FNDC1: variants seen among roughly 807,000 people sequenced by gnomAD.
The protein encoded by FNDC1 is fibronectin type III domain-containing protein 1.
A neutral mutation model predicts 168.0 loss-of-function variants in FNDC1; 96 were observed. The ratio of observed to expected loss-of-function variants is 0.57; its 90% confidence interval spans 0.48 to 0.68. The LOEUF is 0.68. Ranked by LOEUF, FNDC1 falls within the 30% of genes least tolerant of loss-of-function variation. The pLI, the probability that FNDC1 is intolerant of heterozygous loss-of-function variation, is 0.00. For synonymous variants in FNDC1, 1,099 were observed against 1,025.9 expected (o/e 1.07, Z -1.36); for missense variants, 2,587 against 2,482.1 (o/e 1.04, Z -0.90).
intron 1 of FNDC1, among the ~76,000 whole-genome samples, chr6:159,191,777 A>G (rs1238975406): frequency 6.6e-6 from 1 of 152,222 alleles, no homozygotes. Flanking sequence ...TTTGGCTAAA[A>G]TCAGTGCATT....
At chr6:159,240,958 C>T (rs1783406218) in intron 14 of FNDC1, 1 of 152,220 alleles carries the variant, frequency 6.6e-6, no homozygotes, top group South Asian at 2.1e-4. Flanking sequence ...ACGTTATTGA[C>T]TATGATAAGC....
At chr6:159,182,396 A>C (rs1244519688) in intron 1 of FNDC1, among the ~76,000 whole-genome samples, 2 of 152,180 alleles carry the variant, frequency 1.3e-5, no homozygotes, top group Admixed American at 6.5e-5. Context: ...GTCCTCTTGG[A>C]ATTCAAGCCC....
rs77543650 is a variant in FNDC1, at chr6:159,248,216, T to C, written c.4691-823T>C. Among the ~76,000 whole-genome samples, 249 of 152,322 alleles carry C rather than the reference T, an allele frequency of 1.6e-3. 3 individuals are homozygous for C. In the East Asian group the frequency reaches 0.037, roughly 22 times the overall value. On this transcript the variant is annotated intron_variant, in intron 15 of 22. Transcript: ENST00000297267. ...GAACAGTTTGAAAAAGGGGCAGTTT[T>C]ATTTTCTTTTTCAAATGTTAAAGGA...
At chr6:159,188,673 C>T (rs952406555) in intron 1 of FNDC1, among the ~76,000 whole-genome samples, 5 of 151,822 alleles carry the variant, frequency 3.3e-5, no homozygotes, top group Non-Finnish European at 4.4e-5. Flanking sequence ...CCACTGCGCC[C>T]GGCCGCCTCA....
rs1781609451 is a variant in FNDC1, at chr6:159,169,726, C to T, written c.109+21C>T. 6.8e-6 allele frequency: 7 copies of T among 1,025,322 alleles called. No individual in the cohort carries two copies. The South Asian group carries it at 1.9e-4, about 28-fold the overall frequency. The allele number at this position is 1,025,322 out of a possible 1,614,324, so 63.5% of individuals were successfully genotyped here. A position where few individuals can be genotyped will look rare whatever the true frequency, so the allele number is the denominator to read the frequency against. On this transcript the variant is annotated intron_variant, in intron 1 of 22. Transcript: ENST00000297267. This position sits in a 1 kb window ranked among gnomAD's most constrained non-coding sequence, Gnocchi z 6.8. ...CTCAGGTACGCGCCGCGCCCGGGCCCCCGGCGCTCCTCAGCTCCCCGCGCA... is the reference window on the plus strand; with the variant it reads ...CTCAGGTACGCGCCGCGCCCGGGCCTCCGGCGCTCCTCAGCTCCCCGCGCA...
chr6:159,200,153 T>G (rs1224428439), intron 3 of FNDC1, 71 bp downstream of exon 3: 1 of 1,104,802 alleles, frequency 9.1e-7, no homozygotes. Flanking sequence ...TCCTTGCTTC[T>G]TCCAGTAAAT....
In FNDC1 at chr6:159,234,001, C is replaced by G. The variant is rs1375473399; in HGVS notation, c.3489C>G (p.Ser1163=). 6.2e-7 allele frequency: 1 copy of G among 1,606,082 alleles called. No individual in the cohort carries two copies. Among genetic ancestry groups the G allele is most frequent in the East Asian group, 2.2e-5 (1 of 44,714 alleles). The change falls in exon 11 of 23, where the codon TCC becomes TCG. Residue 1163 remains serine, a synonymous_variant. Transcript: ENST00000297267. Reference sequence around the variant, plus strand: ...CGCCGGGGAAGTCGGAGCCTCCTTCCAAGCGGCCCCTGTCCTCCAAGTCCC... The same window carrying G: ...CGCCGGGGAAGTCGGAGCCTCCTTCGAAGCGGCCCCTGTCCTCCAAGTCCC... The part of the protein sequence containing the change: ...RAAPGKSEPP[S]KRPLSSKSQQ...
chr6:159,232,028 C>G lies in FNDC1; in HGVS notation c.1516C>G (p.Leu506Val), dbSNP rs1223696490. 12 of 1,613,868 alleles carry G rather than the reference C, an allele frequency of 7.4e-6. No homozygotes were observed. The highest frequency in any genetic ancestry group is 9.3e-6 in the Non-Finnish European group (11 of 1,179,886). Residue 506 changes from leucine to valine, a missense_variant, in exon 11 of 23, where the codon CTT (leucine) becomes GTT (valine). Leu to Val is a conservative substitution (Grantham distance 32, BLOSUM62 1). Transcript: ENST00000297267. This position sits in a 1 kb window ranked among gnomAD's most constrained non-coding sequence, Gnocchi z 4.9. ...SPQGRNAKDL[L>V]LDLKNKILAN... is the part of the protein sequence containing the mutation. ...CCAAGGGAGAAATGCCAAGGACCTTCTTCTTGACTTGAAGAACAAAATATT... is the reference window on the plus strand; with the variant it reads ...CCAAGGGAGAAATGCCAAGGACCTTGTTCTTGACTTGAAGAACAAAATATT...
In FNDC1 at chr6:159,271,666, C is replaced by T. The variant is rs1777751707; in HGVS notation, c.*224C>T. The T allele has an allele frequency of 2.2e-6, 1 of 449,000 alleles. No individual in the cohort carries two copies. The highest frequency in any genetic ancestry group is 2.0e-5 in the African/African-American group (1 of 49,942). 27.8% of individuals were successfully genotyped at this position (449,000 alleles called of 1,614,324 possible). A position where few individuals can be genotyped will look rare whatever the true frequency, so the allele number is the denominator to read the frequency against. On this transcript the variant is annotated 3_prime_UTR_variant, in exon 23 of 23. Coordinates refer to ENST00000297267, the MANE Select transcript of FNDC1 (RefSeq NM_032532.3). ...CAGTTTTGCTGTTAACTTTGCTTCTCTACTTTTTTTTGTTTGTTTGTAATA... is the reference window on the plus strand; with the variant it reads ...CAGTTTTGCTGTTAACTTTGCTTCTTTACTTTTTTTTGTTTGTTTGTAATA...
chr6:159,224,658 C>T (rs991598306), intron 7 of FNDC1, among the ~76,000 whole-genome samples: 3 of 152,120 alleles, frequency 2.0e-5, no homozygotes, highest in Admixed American at 2.0e-4. Flanking sequence ...CTTTGATTTC[C>T]AACATCTTGC....
intron 4 of FNDC1, among the ~76,000 whole-genome samples, chr6:159,212,701 C>T (rs1483369024): frequency 6.6e-6 from 1 of 152,046 alleles, no homozygotes; most frequent in African/African-American, 2.4e-5. Flanking sequence ...TTCTCTTGTC[C>T]GTTTGCTACC....
At chr6:159,227,617 A>T (rs1440519503) in intron 9 of FNDC1, among the ~76,000 whole-genome samples, 2 of 149,478 alleles carry the variant, frequency 1.3e-5, no homozygotes, top group Non-Finnish European at 1.5e-5. Flanking sequence ...TTTTTTTTTT[A>T]AAGAATAGAT....
chr6:159,199,878 G>T, intron 2 of FNDC1, 118 bp from the exon 3 acceptor site: 1 of 776,062 alleles, frequency 1.3e-6, no homozygotes, highest in Non-Finnish European at 2.2e-6. Context: ...CACTGAATTT[G>T]GATTTTTGTA....
chr6:159,171,428 C>G (rs1290140895), intron 1 of FNDC1, among the ~76,000 whole-genome samples: 1 of 152,206 alleles, frequency 6.6e-6, no homozygotes, highest in South Asian at 2.1e-4. Context: ...CTCCCTTTGA[C>G]AGCAACGTCA....
intron 12 of FNDC1, 95 bp downstream of exon 12, chr6:159,236,410 G>C (rs1289571563): frequency 1.2e-6 from 1 of 808,576 alleles, no homozygotes; most frequent in Non-Finnish European, 2.0e-6. Context: ...AGTGGTCTTT[G>C]TTTGTTCTTC....
intron 9 of FNDC1, among the ~76,000 whole-genome samples, chr6:159,228,814 C>G (rs1040382287): frequency 6.6e-6 from 1 of 152,004 alleles, no homozygotes; most frequent in African/African-American, 2.4e-5. Flanking sequence ...TAGCTGGGAC[C>G]ACAGGCACAC....
chr6:159,191,152 G>C (rs1160797689), intron 1 of FNDC1, among the ~76,000 whole-genome samples: 1 of 152,064 alleles, frequency 6.6e-6, no homozygotes, highest in African/African-American at 2.4e-5. Context: ...CAGCACTAGG[G>C]GGATAGTGCT....
At position 159,238,618 on chromosome 6, in the gene FNDC1, G is replaced by A. The variant is rs749552891; in HGVS notation, c.4133G>A (p.Gly1378Glu). 2.2e-5 allele frequency: 36 copies of A among 1,611,102 alleles called. No homozygotes were observed. Among genetic ancestry groups the A allele is most frequent in the Non-Finnish European group, 2.9e-5 (34 of 1,178,860 alleles). The change falls in exon 13 of 23, where the codon GGA becomes GAA. Residue 1378 changes from glycine to glutamate, a missense_variant. Physicochemically the swap from Gly to Glu is moderately conservative, Grantham distance 98 (BLOSUM62 -2). Transcript: ENST00000297267. ...AEGRYLQDSH[G>E]NPLRIKLGGD... ...GGAAGGTACCTCCAAGATTCACATG[G>A]AAATCCTCTTCGGATTAAACTAGGA...
Position 159,234,125 on chromosome 6 carries a change from T to C in FNDC1, c.3613T>C (p.Ser1205Pro), listed in dbSNP as rs1428063977. 1 of 1,604,218 alleles carries C rather than the reference T, an allele frequency of 6.2e-7. No homozygotes were observed. The highest frequency in any genetic ancestry group is 8.5e-7 in the Non-Finnish European group (1 of 1,175,216). ...GTCTTCCTCTGTGCCAAAGTGGCCC[T>C]CTTCCTCCACTCCCAGGGGCGGCAA... ...LLSSSVPKWP[S>P]SSTPRGGKDA... is the part of the protein sequence containing the mutation. The change falls in exon 11 of 23, where the codon TCT becomes CCT. Residue 1205 changes from serine (S) to proline (P), a missense_variant. Ser to Pro is a moderately conservative substitution (Grantham distance 74). Transcript: ENST00000297267.
Sources: allele counts gnomAD v4.1 joint callset (sites outside exome capture counted in the v4.1 genomes callset), GRCh38; gene constraint gnomAD v4.1.1; non-coding constraint Gnocchi (gnomAD v3.1); transcripts MANE v1.5; gene names NCBI Gene and HGNC (gene_info 2026-07-23, HGNC 2026-07-21).